Variants in SBF2 observed in about 807,000 individuals in gnomAD.
The protein encoded by SBF2 is SET binding factor 2.
A neutral mutation model predicts 225.2 loss-of-function variants in SBF2; 112 were observed. The observed-to-expected ratio is 0.50, with a 90% CI of 0.43 to 0.58. The LOEUF (loss-of-function observed/expected upper bound fraction) is 0.58. Among genes scored for constraint, SBF2 ranks in the 20% least tolerant of loss-of-function variants. The pLI is 0.00. For synonymous variants in SBF2, 763 were observed against 773.3 expected (o/e 0.99, Z 0.22); for missense variants, 1,996 against 2,206.2 (o/e 0.90, Z 1.91).
chr11:9,904,349 G>A (rs963806697), intron 16 of SBF2, among the ~76,000 whole-genome samples: 2 of 152,048 alleles, frequency 1.3e-5, no homozygotes, highest in Admixed American at 6.5e-5. Context: ...TGCATTACTA[G>A]GGATAAAATG....
chr11:9,868,374 C>T (rs994738735), intron 17 of SBF2, among the ~76,000 whole-genome samples: 1 of 111,066 alleles, frequency 9.0e-6, no homozygotes, highest in Non-Finnish European at 1.8e-5. Flanking sequence ...AAAAATTAGG[C>T]GGGTGTGGTG....
chr11:10,224,271 AT>A (rs889851697), intron 1 of SBF2, among the ~76,000 whole-genome samples: 5 of 152,142 alleles, frequency 3.3e-5, no homozygotes, highest in African/African-American at 9.6e-5. Context: ...GTCTAAGCTC[AT>A]GTTGTTAAAT....
At chr11:10,232,647 T>A (rs1958907000) in intron 1 of SBF2, among the ~76,000 whole-genome samples, 1 of 151,746 alleles carries the variant, frequency 6.6e-6, no homozygotes, top group South Asian at 2.1e-4. Context: ...CACTGCAGTC[T>A]TGAACTCCTG....
intron 2 of SBF2, among the ~76,000 whole-genome samples, chr11:10,169,120 T>C (rs1365046417): frequency 6.6e-6 from 1 of 152,202 alleles, no homozygotes; most frequent in Non-Finnish European, 1.5e-5. Flanking sequence ...ATGCATATAA[T>C]GCATAATAAT....
chr11:9,879,682 T>C (rs1363588268), intron 17 of SBF2, among the ~76,000 whole-genome samples: 1 of 152,234 alleles, frequency 6.6e-6, no homozygotes, highest in African/African-American at 2.4e-5. Flanking sequence ...GTGCACGTAC[T>C]ATATGCCAGG....
intron 16 of SBF2, among the ~76,000 whole-genome samples, chr11:9,920,196 G>A (rs1017299563): frequency 1.4e-5 from 2 of 144,512 alleles, no homozygotes; most frequent in African/African-American, 5.1e-5. Flanking sequence ...GTGTGTGTGT[G>A]TGTGTGTGTA....
At chr11:10,122,927 T>C (rs1439784470) in intron 2 of SBF2, among the ~76,000 whole-genome samples, 3 of 152,190 alleles carry the variant, frequency 2.0e-5, no homozygotes, top group Admixed American at 6.5e-5. Context: ...GAAATATGCA[T>C]AGCTTGTACA....
intron 2 of SBF2, among the ~76,000 whole-genome samples, chr11:10,094,610 C>T (rs1202408852): frequency 7.0e-6 from 1 of 143,092 alleles, no homozygotes; most frequent in Non-Finnish European, 1.5e-5. Flanking sequence ...TCAAGTGATT[C>T]TCCTGCCTCA....
At chr11:9,922,726 CAG>C in intron 16 of SBF2, among the ~76,000 whole-genome samples, 1 of 152,330 alleles carries the variant, frequency 6.6e-6, no homozygotes, top group Middle Eastern at 3.4e-3. Flanking sequence ...TTTTCTGAGA[CAG>C]AGAGAATGAG....
intron 16 of SBF2, among the ~76,000 whole-genome samples, chr11:9,902,256 A>G (rs2134157061): frequency 6.6e-6 from 1 of 152,324 alleles, no homozygotes; most frequent in South Asian, 2.1e-4. Context: ...CATCTACATA[A>G]TAAGGGCTTT....
chr11:9,838,088 TG>T (rs1855852589), intron 26 of SBF2: 1 of 151,232 alleles, frequency 6.6e-6, no homozygotes, highest in Non-Finnish European at 1.5e-5. Context: ...TTCTTTGAAT[TG>T]GAACATTTAG....
chr11:10,153,081 T>A (rs1285254568), intron 2 of SBF2, among the ~76,000 whole-genome samples: 1 of 152,240 alleles, frequency 6.6e-6, no homozygotes, highest in Non-Finnish European at 1.5e-5. Flanking sequence ...CATTTCATTC[T>A]GTAGATAGTG....
intron 16 of SBF2, among the ~76,000 whole-genome samples, chr11:9,909,505 A>G (rs1005790522): frequency 1.4e-4 from 21 of 152,084 alleles, no homozygotes; most frequent in Admixed American, 1.3e-3. Context: ...CCCCACCTCT[A>G]CTAAAAATAC....
intron 16 of SBF2, among the ~76,000 whole-genome samples, chr11:9,909,305 C>T (rs1223272814): frequency 6.6e-6 from 1 of 150,858 alleles, no homozygotes; most frequent in African/African-American, 2.4e-5. Flanking sequence ...GTATTTACCC[C>T]CATACTTTCT....
chr11:9,871,904 A>G (rs1353065598), intron 17 of SBF2, among the ~76,000 whole-genome samples: 2 of 152,194 alleles, frequency 1.3e-5, no homozygotes, highest in Non-Finnish European at 1.5e-5. Flanking sequence ...TGTGGAAGAC[A>G]GTGTGGTGAT....
chr11:10,240,396 T>C (rs1353071818), intron 1 of SBF2, among the ~76,000 whole-genome samples: 1 of 152,102 alleles, frequency 6.6e-6, no homozygotes, highest in Non-Finnish European at 1.5e-5. Flanking sequence ...AGTACCATGA[T>C]ATAACACATA....
At chr11:10,189,577 T>C (rs1022666107) in intron 2 of SBF2, among the ~76,000 whole-genome samples, 2 of 151,386 alleles carry the variant, frequency 1.3e-5, no homozygotes, top group Non-Finnish European at 3.0e-5. Flanking sequence ...CTCCTCAATC[T>C]ACATTTACAG....
intron 25 of SBF2, among the ~76,000 whole-genome samples, chr11:9,840,221 G>A (rs1170209829): frequency 2.0e-5 from 3 of 146,728 alleles, no homozygotes; most frequent in African/African-American, 7.5e-5. Context: ...GCAACCGAGC[G>A]AGACTTTGTC....
intron 16 of SBF2, among the ~76,000 whole-genome samples, chr11:9,924,841 C>T (rs1186654205): frequency 6.6e-6 from 1 of 152,128 alleles, no homozygotes; most frequent in Non-Finnish European, 1.5e-5. Context: ...CTCCACCTTC[C>T]AGGCTCAGGC....
Sources: gnomAD v4.1 joint callset for allele counts (sites outside exome capture counted in the v4.1 genomes callset) on GRCh38, gnomAD v4.1.1 for gene constraint, MANE v1.5 for transcripts, NCBI Gene and HGNC (gene_info 2026-07-23, HGNC 2026-07-21) for gene names.